The following OPA1 variants were observed in gnomAD, a reference collection of about 807,000 sequenced individuals.
OPA1 encodes the protein dynamin-like GTPase OPA1, mitochondrial.
In OPA1, 59 loss-of-function variants were observed where a neutral mutation model predicts 152.9. That is an observed-to-expected ratio of 0.39 (90% CI 0.31 to 0.48). The LOEUF (loss-of-function observed/expected upper bound fraction) is 0.48, where lower values mean the gene tolerates loss of function less well. OPA1 is among the 20% of genes least tolerant of loss of function. The pLI is 0.96. For synonymous variants in OPA1, 400 were observed against 389.9 expected, an observed-to-expected ratio of 1.03 and a Z score of -0.31; for missense variants, 1,008 against 1,216.8, an observed-to-expected ratio of 0.83 and a Z score of 2.55.
rs863224137 is a variant in OPA1 at position 193,644,087 on chromosome 3, T to A, written c.1590T>A (p.Asn530Lys). 3 of 1,613,476 alleles carry A rather than the reference T, an allele frequency of 1.9e-6. No homozygotes were observed. Among genetic ancestry groups the A allele is most frequent in the Admixed American group, 1.7e-5 (1 of 59,994 alleles). Residue 530 changes from asparagine (N) to lysine (K), a missense_variant, in exon 16 of 31, where the codon AAT becomes AAA. Around this residue, in one of 7 missense-constraint regions of OPA1, gnomAD observed 213 missense variants for 291.4 expected, o/e 0.73. Coordinates refer to ENST00000361510, the MANE Select transcript of OPA1 (RefSeq NM_130837.3). ...CCAAAGTAGACCTGGCAGAGAAAAA[T>A]GTAGCCAGTCCAAGCAGGGTGAGGT... ...VLTKVDLAEK[N>K]VASPSRIQQI... is the part of the protein sequence containing the mutation.
chr3:193,616,051 TG>T (rs1728963256), intron 3 of OPA1, among the ~76,000 whole-genome samples: 1 of 152,210 alleles, frequency 6.6e-6, no homozygotes, highest in African/African-American at 2.4e-5. Flanking sequence ...GATCTTGCTC[TG>T]TCACTCAGGC....
intron 11 of OPA1, among the ~76,000 whole-genome samples, chr3:193,640,892 G>A (rs941995198): frequency 6.6e-6 from 1 of 152,086 alleles, no homozygotes; most frequent in South Asian, 2.1e-4. Flanking sequence ...AGTGCAACAG[G>A]GTATGGGCAG....
chr3:193,605,807 G>C (rs1427836696), intron 1 of OPA1, among the ~76,000 whole-genome samples: 3 of 152,204 alleles, frequency 2.0e-5, no homozygotes, highest in African/African-American at 7.2e-5. Flanking sequence ...GAGTTAATTG[G>C]ATGGGTTCAG....
At chr3:193,666,748 C>G (rs1432736114) in intron 28 of OPA1, among the ~76,000 whole-genome samples, 3 of 151,970 alleles carry the variant, frequency 2.0e-5, no homozygotes, top group African/African-American at 7.3e-5. Flanking sequence ...TATGATCATA[C>G]TACTGCACTC....
chr3:193,681,503 G>T (rs1199939059), intron 29 of OPA1, among the ~76,000 whole-genome samples: 1 of 152,146 alleles, frequency 6.6e-6, no homozygotes, highest in African/African-American at 2.4e-5. Flanking sequence ...TAAAATTGGT[G>T]CCCCTCAAAG....
intron 8 of OPA1, 35 bp downstream of exon 8, chr3:193,631,700 T>A: frequency 1.3e-6 from 2 of 1,550,206 alleles, no homozygotes; most frequent in South Asian, 1.1e-5. Flanking sequence ...TAGGGACTTT[T>A]AAAAATTATA....
chr3:193,676,979 CAAAAAAAAAAAAAA>C (rs151218523), intron 29 of OPA1, among the ~76,000 whole-genome samples: 1 of 70,834 alleles, frequency 1.4e-5, no homozygotes, highest in East Asian at 4.6e-4. Context: ...AGACTCGTCT[CAAAAAAAAAAAAAA>C]AAAAAAAAAA....
chr3:193,666,515 T>C (rs1485382907), intron 28 of OPA1, 126 bp downstream of exon 28: 1 of 798,084 alleles, frequency 1.3e-6, no homozygotes, highest in Non-Finnish European at 2.1e-6. Context: ...TGGCCAGGTG[T>C]GGTAGCTCAT....
intron 29 of OPA1, chr3:193,668,796 A>G: frequency 8.5e-7 from 1 of 1,172,648 alleles, no homozygotes; most frequent in African/African-American, 1.6e-5. Context: ...TTTGGGGTTG[A>G]TATTTGGTTG....
intron 21 of OPA1, among the ~76,000 whole-genome samples, chr3:193,652,487 C>A (rs1249126398): frequency 1.3e-5 from 2 of 151,820 alleles, no homozygotes; most frequent in Non-Finnish European, 1.5e-5. Flanking sequence ...GATGAAGTGG[C>A]TTCACAGTGT....
chr3:193,681,795 A>G (rs1443962554), intron 29 of OPA1, among the ~76,000 whole-genome samples: 1 of 152,212 alleles, frequency 6.6e-6, no homozygotes, highest in African/African-American at 2.4e-5. Context: ...AACTGTGCCC[A>G]TATTAGTCAG....
At position 193,614,823 on chromosome 3, in the gene OPA1, C is replaced by T; in HGVS notation, c.133C>T (p.His45Tyr). Residue 45 changes from histidine (H) to tyrosine (Y), a missense_variant, in exon 2 of 31, where the codon CAT becomes TAT. His to Tyr is a moderately conservative substitution (Grantham distance 83, BLOSUM62 2). Transcript: ENST00000361510. ...LVSRSIYHSH[H>Y]PTLKLQRPQL... ...TTCACGAAGCATTTATCATTCACAT[C>T]ATCCTACCTTAAAGCTTCAACGACC... 2 of 1,613,356 alleles carry T rather than the reference C, an allele frequency of 1.2e-6. No individual in the cohort carries two copies. The highest frequency in any genetic ancestry group is 8.5e-7 in the Non-Finnish European group (1 of 1,179,284).
At chr3:193,665,847 A>G (rs1716409270) in intron 27 of OPA1, among the ~76,000 whole-genome samples, 1 of 152,188 alleles carries the variant, frequency 6.6e-6, no homozygotes, top group Non-Finnish European at 1.5e-5. Context: ...CTGTAGAATA[A>G]GCTTCTTTTT....
At chr3:193,642,911 G>A (rs1388561592) in intron 12 of OPA1, 64 bp from the exon 13 acceptor site, 1 of 1,570,084 alleles carries the variant, frequency 6.4e-7, no homozygotes, top group African/African-American at 1.4e-5. Flanking sequence ...ATAAAAGACA[G>A]TTAAAGAATA....
intron 21 of OPA1, 70 bp downstream of exon 21, chr3:193,648,941 T>G: frequency 9.3e-7 from 1 of 1,077,004 alleles, no homozygotes; most frequent in East Asian, 2.4e-5. Flanking sequence ...TGCTAAAACT[T>G]AGATTGATAA....
In OPA1 at chr3:193,662,958, GCT is replaced by G. The variant is rs1560041406; in HGVS notation, c.2658_2659del (p.Leu887AspfsTer2). ...TCCCGAGGAGTAGAAGTAGATCCAA[GCT>G]TGGTAATAAATACTGCTGAGAAGCA... On this transcript the variant is annotated frameshift_variant and splice_region_variant, in exon 26 of 31. Transcript: ENST00000361510. LOFTEE classifies it high-confidence loss of function. 6.2e-7 allele frequency: 1 copy of G among 1,613,490 alleles called. No homozygotes were observed. The highest frequency in any genetic ancestry group is 2.2e-5 in the East Asian group (1 of 44,834).
intron 8 of OPA1, among the ~76,000 whole-genome samples, chr3:193,632,113 T>C (rs1267747842): frequency 2.6e-5 from 4 of 152,230 alleles, no homozygotes; most frequent in South Asian, 4.1e-4. Flanking sequence ...TATTTTCTTA[T>C]AGTTGGTGAT....
chr3:193,593,288 G>A lies in OPA1; in HGVS notation c.-90G>A, dbSNP rs1724930941. 3 of 1,385,782 alleles carry A rather than the reference G, an allele frequency of 2.2e-6. No homozygotes were observed. The highest frequency in any genetic ancestry group is 2.9e-6 in the Non-Finnish European group (3 of 1,030,152). The allele number at this position is 1,385,782 out of a possible 1,614,324, so 85.8% of individuals were successfully genotyped here. On this transcript the variant is annotated 5_prime_UTR_variant, in exon 1 of 31. The change creates a premature stop within an existing upstream ORF in the 5' untranslated region. Coordinates refer to ENST00000361510, the MANE Select transcript of OPA1 (RefSeq NM_130837.3). ...CCTTGCTGCTGAGGGCCACTTCCTG[G>A]GTCATTCCTGGACCGGGAGCCGGGC...
Position 193,648,780 on chromosome 3 carries a change from A to G in OPA1, c.1936-15A>G, listed in dbSNP as rs547740597. ...TCTTATGGAAATCTTACTTACTTGT[A>G]TTTATATTGCCTAGAATGAACTATT... On this transcript the variant is annotated splice_polypyrimidine_tract_variant and intron_variant, in intron 20 of 30. Transcript: ENST00000361510. 7 of 1,513,330 alleles carry G rather than the reference A, an allele frequency of 4.6e-6. No homozygotes were observed. Among genetic ancestry groups the G allele is most frequent in the African/African-American group, 2.7e-5 (2 of 72,978 alleles). 93.7% of individuals were successfully genotyped at this position (1,513,330 alleles called of 1,614,324 possible).
Sources: gnomAD v4.1 joint callset for allele counts (sites outside exome capture counted in the v4.1 genomes callset) on GRCh38, gnomAD v4.1.1 for gene constraint, gnomAD v4.1.1 regional missense constraint, MANE v1.5 for transcripts, NCBI Gene and HGNC (gene_info 2026-07-23, HGNC 2026-07-21) for gene names.